Variants in EPHA5 observed in about 807,000 individuals in gnomAD.
EPHA5 encodes ephrin type-A receptor 5.
Under a neutral mutation model 105.0 loss-of-function variants are expected in EPHA5, and 60 were observed. That is an observed-to-expected ratio of 0.57 (90% confidence interval 0.46 to 0.71). The LOEUF is 0.71. Ranked by LOEUF, EPHA5 falls within the 30% of genes least tolerant of loss-of-function variation. EPHA5 has a pLI of 0.00. For synonymous variants in EPHA5, 513 were observed against 449.1 expected, an observed-to-expected ratio of 1.14 and a Z score of -1.80; for missense variants, 1,218 against 1,274.7, an observed-to-expected ratio of 0.96 and a Z score of 0.68.
rs80169835 is a variant in EPHA5 at position 65,320,097 on chromosome 4, C to A, written c.*4017G>T. 0.079 allele frequency: 18,131 copies of A among 229,992 alleles called. 856 individuals carry two copies. Among genetic ancestry groups the A allele is most frequent in the Non-Finnish European group, 0.11 (12,282 of 115,974 alleles). The allele number at this position is 229,992 out of a possible 1,614,324, so 14.2% of individuals were successfully genotyped here. A position where few individuals can be genotyped will look rare whatever the true frequency, so the allele number is the denominator to read the frequency against. Reference sequence around the variant, plus strand: ...TTCTTCTAAGCAATGATTATGTGGTCATTCTGAACAAGAACATTCAATCAT... The same window carrying A: ...TTCTTCTAAGCAATGATTATGTGGTAATTCTGAACAAGAACATTCAATCAT... On this transcript the variant is annotated 3_prime_UTR_variant, in exon 17 of 17. Transcript: ENST00000613740.
At chr4:65,394,476 A>T (rs956365795) in intron 8 of EPHA5, among the ~76,000 whole-genome samples, 1 of 152,122 alleles carries the variant, frequency 6.6e-6, no homozygotes, top group Non-Finnish European at 1.5e-5. Context: ...AAAAATCTCT[A>T]TTATTTTGTA....
At chr4:65,397,697 T>C (rs998589159) in intron 8 of EPHA5, among the ~76,000 whole-genome samples, 2 of 152,198 alleles carry the variant, frequency 1.3e-5, no homozygotes, top group East Asian at 1.9e-4. Flanking sequence ...GTGTTTCTTC[T>C]TGTCTTGAGG....
At chr4:65,382,935 T>C (rs1402074504) in intron 8 of EPHA5, among the ~76,000 whole-genome samples, 1 of 151,394 alleles carries the variant, frequency 6.6e-6, no homozygotes, top group Non-Finnish European at 1.5e-5. Context: ...ATGGCCTGCA[T>C]GTAAGCAGAA....
rs116317502 is a variant in EPHA5 at position 65,622,994 on chromosome 4, A to G, written c.246+20369T>C. ...AAGTTTAAGAGCATATATTCATTAT[A>G]TAACAATTTTTATCAACTGATTTGG... On this transcript the variant is annotated intron_variant, in intron 2 of 16. Transcript: ENST00000613740. Among the ~76,000 whole-genome samples the G allele has an allele frequency of 8.2e-3, 1,255 of 152,264 alleles. 21 individuals are homozygous for G. Among genetic ancestry groups the G allele is most frequent in the African/African-American group, 0.028 (1,178 of 41,574 alleles).
intron 3 of EPHA5, among the ~76,000 whole-genome samples, chr4:65,520,060 G>A (rs1300284173): frequency 6.6e-6 from 1 of 152,068 alleles, no homozygotes; most frequent in Non-Finnish European, 1.5e-5. Context: ...AAAAGAGCCT[G>A]CATTGCCAAG....
chr4:65,476,064 G>T (rs1324754077), intron 5 of EPHA5, among the ~76,000 whole-genome samples: 1 of 150,780 alleles, frequency 6.6e-6, no homozygotes, highest in African/African-American at 2.4e-5. Context: ...TTTTTTTTCA[G>T]AATGTCAGAC....
chr4:65,516,985 T>C (rs11131598), intron 3 of EPHA5, among the ~76,000 whole-genome samples: 28,852 of 152,056 alleles, frequency 0.19, 3,233 homozygotes, highest in East Asian at 0.35. Context: ...TTAGGTCCCA[T>C]TGGCTTATAA....
intron 3 of EPHA5, among the ~76,000 whole-genome samples, chr4:65,599,620 G>A (rs1276111513): frequency 6.6e-6 from 1 of 152,120 alleles, no homozygotes; most frequent in African/African-American, 2.4e-5. Context: ...TCTCTGGGCT[G>A]TAGTAAACTT....
intron 2 of EPHA5, among the ~76,000 whole-genome samples, chr4:65,638,220 C>G (rs894205191): frequency 2.0e-5 from 3 of 152,070 alleles, no homozygotes; most frequent in African/African-American, 7.2e-5. Context: ...GGGACCAATA[C>G]AACTTAATAT....
chr4:65,624,560 C>G (rs1006333175), intron 2 of EPHA5, among the ~76,000 whole-genome samples: 1 of 152,000 alleles, frequency 6.6e-6, no homozygotes, highest in Non-Finnish European at 1.5e-5. Flanking sequence ...TTTTAGGGTA[C>G]CAACTATTGA....
At chr4:65,554,200 C>T (rs1431002086) in intron 3 of EPHA5, among the ~76,000 whole-genome samples, 1 of 149,212 alleles carries the variant, frequency 6.7e-6, no homozygotes, top group Admixed American at 6.7e-5. Context: ...CTCAGAGTTC[C>T]ACATTTTCAC....
At position 65,602,349 on chromosome 4, in the gene EPHA5, A is replaced by G. The variant is rs190928549; in HGVS notation, c.247-45T>C. 225 of 1,449,670 alleles carry G rather than the reference A, an allele frequency of 1.6e-4. 1 individual carries two copies. The African/African-American group carries it at 2.7e-3, about 17-fold the overall frequency. The allele number at this position is 1,449,670 out of a possible 1,614,324, so 89.8% of individuals were successfully genotyped here. A position where few individuals can be genotyped will look rare whatever the true frequency, so the allele number is the denominator to read the frequency against. On this transcript the variant is annotated intron_variant, in intron 2 of 16. Coordinates refer to ENST00000613740, the MANE Select transcript of EPHA5 (RefSeq NM_001281766.3). Reference sequence around the variant, plus strand: ...AAGATAAAAAAAATTCAAAAAATAGAAAATAACAAGGAACTATAGCAAAAA... The same window carrying G: ...AAGATAAAAAAAATTCAAAAAATAGGAAATAACAAGGAACTATAGCAAAAA...
chr4:65,543,891 A>T (rs1737105772), intron 3 of EPHA5, among the ~76,000 whole-genome samples: 6 of 152,110 alleles, frequency 3.9e-5, no homozygotes, highest in Admixed American at 3.9e-4. Flanking sequence ...GACTAGTGGA[A>T]CAGAACAGAG....
intron 5 of EPHA5, among the ~76,000 whole-genome samples, chr4:65,437,212 A>G (rs1032283215): frequency 6.6e-6 from 1 of 152,000 alleles, no homozygotes; most frequent in African/African-American, 2.4e-5. Flanking sequence ...AACTTATTCT[A>G]GAATCTCAGC....
intron 2 of EPHA5, among the ~76,000 whole-genome samples, chr4:65,619,068 C>A (rs564184231): frequency 1.4e-4 from 21 of 152,032 alleles, no homozygotes; most frequent in South Asian, 4.2e-4. Flanking sequence ...GGCAGGAGAA[C>A]CACTTGAGCA....
intron 8 of EPHA5, among the ~76,000 whole-genome samples, chr4:65,401,508 A>G (rs1217444291): frequency 6.6e-6 from 1 of 152,150 alleles, no homozygotes; most frequent in East Asian, 1.9e-4. Flanking sequence ...AAATACATCC[A>G]ACAAATAAAG....
intron 3 of EPHA5, among the ~76,000 whole-genome samples, chr4:65,537,161 A>G (rs1736368001): frequency 6.6e-6 from 1 of 151,830 alleles, no homozygotes; most frequent in Non-Finnish European, 1.5e-5. Flanking sequence ...ATTCATTTTC[A>G]GTTGTAAGAA....
At chr4:65,601,046 C>T (rs151055596) in intron 3 of EPHA5, among the ~76,000 whole-genome samples, 1 of 152,270 alleles carries the variant, frequency 6.6e-6, no homozygotes, top group East Asian at 1.9e-4. Context: ...TTGTGGGGCA[C>T]TGCTTATTAT....
chr4:65,372,236 C>G (rs1718547539), intron 8 of EPHA5, among the ~76,000 whole-genome samples: 1 of 151,824 alleles, frequency 6.6e-6, no homozygotes, highest in South Asian at 2.1e-4. Flanking sequence ...GAATTTTTCA[C>G]TTCGGGATTT....
Sources: allele counts gnomAD v4.1 joint callset (sites outside exome capture counted in the v4.1 genomes callset), GRCh38; gene constraint gnomAD v4.1.1; transcripts MANE v1.5; gene names NCBI Gene and HGNC (gene_info 2026-07-23, HGNC 2026-07-21).